Variants in PPEF2 observed in about 807,000 individuals in gnomAD.
The protein encoded by PPEF2 is protein phosphatase with EF-hand domain 2, also known as serine/threonine-protein phosphatase with EF-hands 2.
In PPEF2, 84 loss-of-function variants were observed where a neutral mutation model predicts 84.7. The ratio of observed to expected loss-of-function variants is 0.99; its 90% CI spans 0.83 to 1.19. PPEF2 has a LOEUF of 1.19. Ranked by LOEUF, PPEF2 falls within the 50% of genes most tolerant of loss-of-function variation. The pLI, the probability that PPEF2 is intolerant of heterozygous loss-of-function variation, is 0.00. For missense variants in PPEF2, 924 were observed against 937.5 expected (o/e 0.99, Z 0.19); for synonymous variants, 346 against 345.2 (o/e 1.00, Z -0.03).
chr4:75,893,928 T>C (rs1260605538), intron 2 of PPEF2, among the ~76,000 whole-genome samples: 4 of 152,216 alleles, frequency 2.6e-5, no homozygotes, highest in Non-Finnish European at 2.9e-5. Flanking sequence ...TTGCTTTCAA[T>C]TGAGATGGGC....
At chr4:75,873,350 A>G (rs1698651569) in intron 11 of PPEF2, 38 bp from the exon 12 acceptor site, 1 of 1,537,966 alleles carries the variant, frequency 6.5e-7, no homozygotes, top group Non-Finnish European at 8.9e-7. Context: ...CCCAAAAACT[A>G]GATACATATT....
chr4:75,878,697 C>A, intron 10 of PPEF2, among the ~76,000 whole-genome samples: 1 of 152,202 alleles, frequency 6.6e-6, no homozygotes, highest in South Asian at 2.1e-4. Flanking sequence ...AAATGTAAAC[C>A]AACTCATAAC....
In PPEF2 at chr4:75,877,791, A is replaced by G. The variant is rs114718246; in HGVS notation, c.934-1118T>C. Among the ~76,000 whole-genome samples the G allele has an allele frequency of 7.1e-3, 1,072 of 151,916 alleles. 14 individuals carry two copies. The highest frequency in any genetic ancestry group is 0.025 in the African/African-American group (1,021 of 41,424). ...TATTTCATCATTTTTCTAATAATTC[A>G]TATTTATTGTATTTTACGAAAGTAT... On this transcript the variant is annotated intron_variant, in intron 10 of 16. Transcript: ENST00000286719.
At chr4:75,893,896 T>C (rs1724949676) in intron 2 of PPEF2, among the ~76,000 whole-genome samples, 1 of 152,044 alleles carries the variant, frequency 6.6e-6, no homozygotes, top group Non-Finnish European at 1.5e-5. Flanking sequence ...GACTATCTGG[T>C]AGGGTGTGGT....
chr4:75,886,413 AAC>A (rs1336876418), intron 7 of PPEF2, among the ~76,000 whole-genome samples: 5 of 152,210 alleles, frequency 3.3e-5, no homozygotes, highest in African/African-American at 1.2e-4. Context: ...CCCGTCATGC[AAC>A]GGCACGTTCG....
At chr4:75,879,586 G>A (rs1426717143) in intron 10 of PPEF2, among the ~76,000 whole-genome samples, 4 of 152,076 alleles carry the variant, frequency 2.6e-5, no homozygotes, top group Admixed American at 2.6e-4. Context: ...AGATTCTTCT[G>A]GGTATTTTCT....
chr4:75,878,397 C>T (rs905965552), intron 10 of PPEF2, among the ~76,000 whole-genome samples: 5 of 152,164 alleles, frequency 3.3e-5, no homozygotes, highest in African/African-American at 1.2e-4. Flanking sequence ...GGTATATCCA[C>T]AATAAAGGGC....
At chr4:75,888,609 C>G (rs544217729) in intron 5 of PPEF2, among the ~76,000 whole-genome samples, 3 of 152,308 alleles carry the variant, frequency 2.0e-5, no homozygotes, top group African/African-American at 7.2e-5. Flanking sequence ...CATGGGAAGA[C>G]CATGTGATTG....
chr4:75,863,032 A>G (rs1040345189), intron 16 of PPEF2, among the ~76,000 whole-genome samples: 8 of 152,232 alleles, frequency 5.3e-5, no homozygotes, highest in African/African-American at 1.9e-4. Flanking sequence ...TAGGTGACAT[A>G]ATCCAGACAC....
At chr4:75,894,831 T>C (rs1029982432) in intron 2 of PPEF2, among the ~76,000 whole-genome samples, 2 of 152,358 alleles carry the variant, frequency 1.3e-5, no homozygotes, top group African/African-American at 2.4e-5. Flanking sequence ...AGTCTCAGCC[T>C]GTGGCGTGTG....
intron 2 of PPEF2, among the ~76,000 whole-genome samples, chr4:75,895,731 C>CA (rs1553909319): frequency 0.11 from 16,320 of 142,184 alleles, 2,616 homozygotes; most frequent in African/African-American, 0.37. Context: ...GACTCCGCCT[C>CA]AAAAAAAAAA....
At position 75,890,006 on chromosome 4, in the gene PPEF2, A is replaced by G; in HGVS notation, c.368T>C (p.Leu123Pro). 6.2e-7 allele frequency: 1 copy of G among 1,614,038 alleles called. No homozygotes were observed. Among genetic ancestry groups the G allele is most frequent in the South Asian group, 1.1e-5 (1 of 91,074 alleles). The change falls in exon 5 of 17, where the codon CTC (leucine) becomes CCC (proline). Residue 123 changes from leucine (L) to proline (P), a missense_variant. Physicochemically the swap from Leu to Pro is moderately conservative, Grantham distance 98 (BLOSUM62 -3). Transcript: ENST00000286719. ...SYTGPRLSFPLLPDHATALVE... is the reference protein window; with the variant it reads ...SYTGPRLSFPPLPDHATALVE... ...CAGGGCAGTTGCATGGTCAGGCAGG[A>G]GTGGGAAGGAGAGGCGTGGCCCCGT...
At chr4:75,868,726 G>T (rs1724194853) in intron 13 of PPEF2, among the ~76,000 whole-genome samples, 1 of 152,190 alleles carries the variant, frequency 6.6e-6, no homozygotes, top group African/African-American at 2.4e-5. Context: ...GAACCAGTTA[G>T]GCATGGTGGC....
At chr4:75,876,748 G>T in intron 10 of PPEF2, 75 bp from the exon 11 acceptor site, 1 of 1,450,920 alleles carries the variant, frequency 6.9e-7, no homozygotes, top group Non-Finnish European at 9.2e-7. Context: ...GCCCACTCCT[G>T]TAATCCTAGA....
intron 11 of PPEF2, 101 bp downstream of exon 11, chr4:75,876,186 G>GAGAC: frequency 6.9e-7 from 1 of 1,445,724 alleles, no homozygotes; most frequent in Middle Eastern, 2.6e-4. Context: ...ACCCCAGAAA[G>GAGAC]AGAAAGAGGG....
At chr4:75,896,021 G>T (rs979485023) in intron 2 of PPEF2, among the ~76,000 whole-genome samples, 2 of 152,088 alleles carry the variant, frequency 1.3e-5, no homozygotes, top group African/African-American at 2.4e-5. Context: ...TCATTCATTT[G>T]TACCTGGGTA....
chr4:75,884,456 T>C (rs2149223049), intron 8 of PPEF2, 138 bp downstream of exon 8: 2 of 1,032,612 alleles, frequency 1.9e-6, no homozygotes, highest in Admixed American at 2.6e-5. Flanking sequence ...TTGAATGTTA[T>C]ATACTGTGTA....
chr4:75,877,282 A>G (rs964649764), intron 10 of PPEF2, among the ~76,000 whole-genome samples: 2 of 151,988 alleles, frequency 1.3e-5, no homozygotes, highest in African/African-American at 4.8e-5. Context: ...GGTTGCGGTG[A>G]GCCAAGATTG....
At chr4:75,895,105 C>T (rs187949959) in intron 2 of PPEF2, among the ~76,000 whole-genome samples, 5 of 151,250 alleles carry the variant, frequency 3.3e-5, no homozygotes, top group Middle Eastern at 3.4e-3. Flanking sequence ...CAGAGGTGCT[C>T]GCCACCACAC....
Sources: gnomAD v4.1 joint callset for allele counts (sites outside exome capture counted in the v4.1 genomes callset) on GRCh38, gnomAD v4.1.1 for gene constraint, MANE v1.5 for transcripts, NCBI Gene and HGNC (gene_info 2026-07-23, HGNC 2026-07-21) for gene names.